TASP1: variants seen among roughly 807,000 people sequenced by gnomAD.
TASP1 encodes taspase 1.
TASP1 carries 16 observed loss-of-function variants against 56.6 expected under a neutral mutation model. The observed-to-expected ratio is 0.28, with a 90% CI of 0.19 to 0.43. TASP1 has a LOEUF of 0.43. Among genes scored for constraint, TASP1 ranks in the 20% least tolerant of loss-of-function variants. The pLI is 1.00. For missense variants in TASP1, 393 were observed against 511.6 expected (o/e 0.77, Z 2.24); for synonymous variants, 179 against 184.2 (o/e 0.97, Z 0.23).
intron 5 of TASP1, among the ~76,000 whole-genome samples, chr20:13,582,933 G>GT (rs2047176715): frequency 6.6e-6 from 1 of 152,204 alleles, no homozygotes; most frequent in South Asian, 2.1e-4. Context: ...GGAGGAAAGT[G>GT]TTGTCTTGCG....
intron 10 of TASP1, among the ~76,000 whole-genome samples, chr20:13,506,360 CAAGT>C (rs1181301909): frequency 1.3e-5 from 2 of 152,058 alleles, no homozygotes; most frequent in South Asian, 2.1e-4. Flanking sequence ...TTCAAAAAAC[CAAGT>C]AAGAGGGAAT....
chr20:13,304,881 C>T, the TASP1 span, among the ~76,000 whole-genome samples: 1 of 152,182 alleles, frequency 6.6e-6, no homozygotes, highest in East Asian at 1.9e-4. Context: ...CTCTCTTCCC[C>T]ACTTCCCTAC....
intron 10 of TASP1, among the ~76,000 whole-genome samples, chr20:13,486,605 C>T (rs2043326002): frequency 6.6e-6 from 1 of 152,118 alleles, no homozygotes; most frequent in Non-Finnish European, 1.5e-5. Context: ...ATTTTCTCTA[C>T]AGAAGTATCC....
intron 11 of TASP1, among the ~76,000 whole-genome samples, chr20:13,449,775 CATTGTGAACTTTAGAT>C (rs1450002170): frequency 2.0e-5 from 3 of 152,100 alleles, no homozygotes; most frequent in Non-Finnish European, 4.4e-5. Context: ...GCAATGTTTA[CATTGTGAACTTTAGAT>C]GAAACTGTCA....
intron 12 of TASP1, among the ~76,000 whole-genome samples, chr20:13,424,436 A>G (rs2042553067): frequency 6.6e-6 from 1 of 152,210 alleles, no homozygotes; most frequent in South Asian, 2.1e-4. Context: ...TTATGGTAAG[A>G]GTATTAAAAG....
chr20:13,199,006 A>G, the TASP1 span, among the ~76,000 whole-genome samples: 1 of 151,490 alleles, frequency 6.6e-6, no homozygotes, highest in African/African-American at 2.4e-5. Context: ...CCTGGGCTCA[A>G]ACAATCCTCC....
intron 10 of TASP1, among the ~76,000 whole-genome samples, chr20:13,492,923 T>C (rs1239202117): frequency 6.6e-6 from 1 of 152,082 alleles, no homozygotes; most frequent in Non-Finnish European, 1.5e-5. Flanking sequence ...CAGTTATGAT[T>C]AAACACAGAT....
chr20:13,224,895 G>A, the TASP1 span, among the ~76,000 whole-genome samples: 3 of 146,252 alleles, frequency 2.1e-5, no homozygotes, highest in Non-Finnish European at 4.5e-5. Flanking sequence ...GCCCAGGCTG[G>A]AGTGCAGTGG....
the TASP1 span, chr20:13,298,802 G>A: frequency 2.6e-6 from 2 of 755,268 alleles, no homozygotes; most frequent in South Asian, 1.8e-5. Context: ...TAGGACAGGA[G>A]TTGTTGACTT....
At chr20:13,552,080 T>A (rs967433416) in intron 8 of TASP1, among the ~76,000 whole-genome samples, 1 of 152,216 alleles carries the variant, frequency 6.6e-6, no homozygotes, top group Non-Finnish European at 1.5e-5. Flanking sequence ...GTCCTTGCTT[T>A]GCCTAATATA....
At chr20:13,612,756 T>G (rs1399164321) in intron 4 of TASP1, among the ~76,000 whole-genome samples, 1 of 152,122 alleles carries the variant, frequency 6.6e-6, no homozygotes, top group African/African-American at 2.4e-5. Flanking sequence ...AGTATTAAAT[T>G]TTGAAGAAAT....
chr20:13,537,406 G>A (rs1187889816), intron 8 of TASP1, among the ~76,000 whole-genome samples: 2 of 152,088 alleles, frequency 1.3e-5, no homozygotes, highest in African/African-American at 4.8e-5. Flanking sequence ...GCAAATTTAA[G>A]GATGATGAAG....
In TASP1 at chr20:13,537,001, TC is replaced by T. The variant is rs572068218; in HGVS notation, c.676-2861del. 3.6e-4 allele frequency among the ~76,000 whole-genome samples: 55 copies of T among 152,264 alleles called. 1 individual carries two copies. The South Asian group carries it at 0.011, about 30-fold the overall frequency. On this transcript the variant is annotated intron_variant, in intron 8 of 13. Coordinates refer to ENST00000337743, the MANE Select transcript of TASP1 (RefSeq NM_017714.3). The stretch of plus-strand genomic sequence containing the variant: ...CAATCTACTCTCTTAAGGGTATTTT[TC>T]ATTAGCTCTTTTTTATAAACTCCAA...
At position 13,390,152 on chromosome 20, in the gene TASP1, GCACA is replaced by G; in HGVS notation, c.*204_*207del. 1.9e-6 allele frequency: 1 copy of G among 529,264 alleles called. No individual in the cohort carries two copies. The highest frequency in any genetic ancestry group is 3.4e-6 in the Non-Finnish European group (1 of 290,472). The allele number at this position is 529,264 out of a possible 1,614,324, so 32.8% of individuals were successfully genotyped here. A position where few individuals can be genotyped will look rare whatever the true frequency, so the allele number is the denominator to read the frequency against. Reference sequence around the variant, plus strand: ...CATACACATATGTGCGCACATACGCGCACACACTCACACACAGTCCCGCTCACCC... The same window carrying G: ...CATACACATATGTGCGCACATACGCGCACTCACACACAGTCCCGCTCACCC... On this transcript the variant is annotated 3_prime_UTR_variant, in exon 14 of 14. Coordinates refer to ENST00000337743, the MANE Select transcript of TASP1 (RefSeq NM_017714.3).
chr20:13,206,170 G>C, the TASP1 span, among the ~76,000 whole-genome samples: 149 of 152,264 alleles, frequency 9.8e-4, no homozygotes, highest in African/African-American at 3.5e-3. Context: ...TGGCCCTGTG[G>C]GTCTTGGTGG....
At chr20:13,268,605 GC>G in the TASP1 span, among the ~76,000 whole-genome samples, 3 of 152,172 alleles carry the variant, frequency 2.0e-5, no homozygotes, top group Non-Finnish European at 4.4e-5. Context: ...CTGCAGAGCA[GC>G]CAGCTTTCCC....
the TASP1 span, among the ~76,000 whole-genome samples, chr20:13,128,907 G>A: frequency 1.8e-4 from 24 of 133,528 alleles, no homozygotes; most frequent in Admixed American, 1.0e-3. Flanking sequence ...ACAGAGTTTC[G>A]CTCTTGTCAC....
chr20:13,110,254 G>C, the TASP1 span: 6 of 1,571,290 alleles, frequency 3.8e-6, no homozygotes, highest in East Asian at 1.3e-4. Flanking sequence ...CGACTCGGAG[G>C]CCTGCAGCAA....
intron 11 of TASP1, among the ~76,000 whole-genome samples, chr20:13,469,792 C>CT (rs546419566): frequency 0.026 from 1,015 of 39,480 alleles, 239 homozygotes; most frequent in East Asian, 0.04. Context: ...AATAAATGTC[C>CT]TTTTTTTTTT....
Sources: gnomAD v4.1 joint callset for allele counts (sites outside exome capture counted in the v4.1 genomes callset) on GRCh38, gnomAD v4.1.1 for gene constraint, MANE v1.5 for transcripts, NCBI Gene and HGNC (gene_info 2026-07-23, HGNC 2026-07-21) for gene names.